The following LAMA2 variants were observed in gnomAD, a reference collection of about 807,000 sequenced individuals.
The protein encoded by LAMA2 is laminin subunit alpha-2.
LAMA2 carries 269 observed loss-of-function variants against 364.8 expected under a neutral mutation model. That is an observed-to-expected ratio of 0.74 (90% CI 0.67 to 0.82). The LOEUF is 0.82. Among genes scored for constraint, LAMA2 ranks in the 40% least tolerant of loss-of-function variants. The pLI is 0.00. For synonymous variants in LAMA2, 1,379 were observed against 1,370.6 expected (o/e 1.01, Z -0.14); for missense variants, 3,807 against 3,873.2 (o/e 0.98, Z 0.45).
At chr6:129,280,378 G>A (rs1030280546) in intron 18 of LAMA2, among the ~76,000 whole-genome samples, 1 of 152,158 alleles carries the variant, frequency 6.6e-6, no homozygotes, top group African/African-American at 2.4e-5. Flanking sequence ...TCTGATTAAT[G>A]TTTTAATCTT....
intron 33 of LAMA2, 63 bp downstream of exon 33, chr6:129,366,424 T>G: frequency 8.0e-5 from 124 of 1,548,478 alleles, no homozygotes; most frequent in Middle Eastern, 2.2e-4. Flanking sequence ...ACAAGCGGTA[T>G]TGGCTGTAAT....
Position 129,502,778 on chromosome 6 carries a change from A to T in LAMA2, c.8357+7A>T. On this transcript the variant is annotated splice_region_variant and intron_variant, in intron 59 of 64. Transcript: ENST00000421865. ...ACACCAAAGTTAAAAACCGGTATGT[A>T]TCATCCTGAGACACTGGGAAAGAAC... 5.1e-6 allele frequency: 8 copies of T among 1,566,856 alleles called. No individual in the cohort carries two copies. The highest frequency in any genetic ancestry group is 7.0e-6 in the Non-Finnish European group (8 of 1,137,120).
At chr6:129,505,413 T>C in intron 61 of LAMA2, 58 bp downstream of exon 61, 1 of 1,421,036 alleles carries the variant, frequency 7.0e-7, no homozygotes, top group Non-Finnish European at 9.9e-7. Context: ...TTTATTGATA[T>C]ATTTTGACTT....
chr6:129,042,808 T>C (rs190019638), intron 1 of LAMA2, among the ~76,000 whole-genome samples: 90 of 152,298 alleles, frequency 5.9e-4, no homozygotes, highest in African/African-American at 2.0e-3. Flanking sequence ...GCATAATCCT[T>C]TTTGGAGTCA....
At chr6:129,440,402 A>G (rs1782047901) in intron 42 of LAMA2, among the ~76,000 whole-genome samples, 1 of 152,100 alleles carries the variant, frequency 6.6e-6, no homozygotes, top group South Asian at 2.1e-4. Context: ...ATGTTTCTCT[A>G]TCCTAAAATG....
chr6:129,490,957 T>C (rs930570428), intron 56 of LAMA2: 2 of 152,230 alleles, frequency 1.3e-5, no homozygotes, highest in African/African-American at 4.8e-5. Context: ...AGAGCATCTT[T>C]ACCCTGGCTT....
chr6:128,944,150 A>C (rs924704607), intron 1 of LAMA2, among the ~76,000 whole-genome samples: 2 of 152,172 alleles, frequency 1.3e-5, no homozygotes, highest in African/African-American at 4.8e-5. Context: ...AACAATATGA[A>C]TAGACATGGT....
chr6:129,165,712 A>G (rs1562291506), intron 9 of LAMA2, 37 bp downstream of exon 9: 1 of 1,292,826 alleles, frequency 7.7e-7, no homozygotes, highest in Non-Finnish European at 1.1e-6. Context: ...CTCTGATAAA[A>G]GGACAACTAA....
At chr6:129,232,624 T>A (rs564954601) in intron 12 of LAMA2, among the ~76,000 whole-genome samples, 1 of 152,262 alleles carries the variant, frequency 6.6e-6, no homozygotes, top group South Asian at 2.1e-4. Context: ...TTTCTTTATA[T>A]TGACTGATTT....
Position 129,328,204 on chromosome 6 carries a change from C to A in LAMA2, c.4177-74C>A. 3.0e-6 allele frequency: 4 copies of A among 1,315,586 alleles called. No homozygotes were observed. The East Asian group carries it at 6.9e-5, about 23-fold the overall frequency. The allele number at this position is 1,315,586 out of a possible 1,614,324, so 81.5% of individuals were successfully genotyped here. A position where few individuals can be genotyped will look rare whatever the true frequency, so the allele number is the denominator to read the frequency against. On this transcript the variant is annotated intron_variant, in intron 28 of 64. Coordinates refer to ENST00000421865, the MANE Select transcript of LAMA2 (RefSeq NM_000426.4). ...GGGGAAGGCCAGTCTGTCTTTGCAG[C>A]CACTGAAGAGCTCAAGCGTTGCTAA...
chr6:129,220,570 A>T (rs1021693925), intron 12 of LAMA2, among the ~76,000 whole-genome samples: 1 of 152,266 alleles, frequency 6.6e-6, no homozygotes, highest in Non-Finnish European at 1.5e-5. Context: ...GCTAGAAAAT[A>T]TAATTATCTA....
At chr6:129,407,255 CAATATTA>C (rs1464021887) in intron 40 of LAMA2, among the ~76,000 whole-genome samples, 2 of 152,226 alleles carry the variant, frequency 1.3e-5, no homozygotes, top group African/African-American at 4.8e-5. Flanking sequence ...AGCTGATACT[CAATATTA>C]GTCATCACAA....
chr6:128,922,175 T>C (rs1014306027), intron 1 of LAMA2, among the ~76,000 whole-genome samples: 8 of 151,950 alleles, frequency 5.3e-5, no homozygotes, highest in Admixed American at 1.3e-4. Context: ...CATACCTGTG[T>C]ATGTGTCTTT....
chr6:129,439,844 ATATATC>A (rs982619162), intron 42 of LAMA2, among the ~76,000 whole-genome samples: 7 of 140,786 alleles, frequency 5.0e-5, no homozygotes, highest in South Asian at 2.1e-4. Context: ...ATATATATAT[ATATATC>A]TATCTCAATT....
chr6:129,423,039 A>G (rs2114732559), intron 40 of LAMA2, among the ~76,000 whole-genome samples: 1 of 152,226 alleles, frequency 6.6e-6, no homozygotes, highest in Admixed American at 6.5e-5. Flanking sequence ...TTAATATTTG[A>G]AATTAGTCAG....
chr6:129,482,903 T>C (rs1046953709), intron 55 of LAMA2, among the ~76,000 whole-genome samples: 1 of 151,728 alleles, frequency 6.6e-6, no homozygotes, highest in African/African-American at 2.4e-5. Context: ...ATTTGTATAC[T>C]AAAAATACAA....
chr6:129,061,897 T>C (rs2114799511), intron 3 of LAMA2, among the ~76,000 whole-genome samples: 1 of 152,300 alleles, frequency 6.6e-6, no homozygotes, highest in East Asian at 1.9e-4. Context: ...TCCAGCTTTC[T>C]ATTTCCTGAA....
intron 62 of LAMA2, among the ~76,000 whole-genome samples, chr6:129,510,228 C>CA (rs1446878063): frequency 1.3e-5 from 2 of 151,924 alleles, no homozygotes; most frequent in African/African-American, 2.4e-5. Flanking sequence ...AAGACCCCAC[C>CA]AAAAAACCAT....
intron 9 of LAMA2, 69 bp from the exon 10 acceptor site, chr6:129,177,636 CA>C: frequency 6.8e-7 from 1 of 1,475,412 alleles, no homozygotes; most frequent in Non-Finnish European, 9.5e-7. Flanking sequence ...AGGTTACTGT[CA>C]TTAAAACTTT....
Sources: allele counts gnomAD v4.1 joint callset (sites outside exome capture counted in the v4.1 genomes callset), GRCh38; gene constraint gnomAD v4.1.1; transcripts MANE v1.5; gene names NCBI Gene and HGNC (gene_info 2026-07-23, HGNC 2026-07-21).